The following NXPE2 variants were observed in gnomAD, a reference collection of about 807,000 sequenced individuals.
The protein encoded by NXPE2 is neurexophilin and PC-esterase domain family member 2.
In NXPE2, 34 loss-of-function variants were observed where a neutral mutation model predicts 34.4. That is an observed-to-expected ratio of 0.99 (90% CI 0.75 to 1.31). The LOEUF (loss-of-function observed/expected upper bound fraction) is 1.31, where lower values mean the gene tolerates loss of function less well. Among genes scored for constraint, NXPE2 ranks in the 40% most tolerant of loss-of-function variants. The probability of loss-of-function intolerance (pLI) is 0.00; values close to 1 mark genes in which losing one functional copy is unlikely to be tolerated. For synonymous variants in NXPE2, 235 were observed against 231.3 expected, an observed-to-expected ratio of 1.02 and a Z score of -0.15; for missense variants, 649 against 672.5, an observed-to-expected ratio of 0.97 and a Z score of 0.39.
the NXPE2 span, among the ~76,000 whole-genome samples, chr11:114,493,160 C>T: frequency 7.9e-5 from 12 of 152,102 alleles, no homozygotes; most frequent in Admixed American, 1.3e-4. Context: ...TTTCCATTAG[C>T]ATGAAATGTC....
the NXPE2 span, among the ~76,000 whole-genome samples, chr11:114,769,192 C>A: frequency 6.6e-6 from 1 of 151,106 alleles, no homozygotes; most frequent in East Asian, 1.9e-4. Context: ...ATGTGACCAA[C>A]AAACATATGA....
At chr11:114,797,436 T>C in the NXPE2 span, among the ~76,000 whole-genome samples, 354 of 152,266 alleles carry the variant, frequency 2.3e-3, 7 homozygotes, top group Admixed American at 0.019. Flanking sequence ...CTCAGACTTC[T>C]CAAGGAGATG....
At chr11:114,597,051 G>A in the NXPE2 span, among the ~76,000 whole-genome samples, 2 of 152,264 alleles carry the variant, frequency 1.3e-5, no homozygotes, top group Non-Finnish European at 1.5e-5. Context: ...TGAAAACTAG[G>A]AAGTTGGAAA....
chr11:114,756,596 T>G, the NXPE2 span, among the ~76,000 whole-genome samples: 1 of 152,162 alleles, frequency 6.6e-6, no homozygotes, highest in Admixed American at 6.5e-5. Flanking sequence ...ATATAATTGA[T>G]GTCACTATAA....
At chr11:114,690,594 T>G (rs184910194) in intron 2 of NXPE2, among the ~76,000 whole-genome samples, 1 of 152,150 alleles carries the variant, frequency 6.6e-6, no homozygotes, top group South Asian at 2.1e-4. Context: ...TTGCCTTGTA[T>G]AGTATCTCAT....
At chr11:114,630,883 T>C in the NXPE2 span, among the ~76,000 whole-genome samples, 1,710 of 151,400 alleles carry the variant, frequency 0.011, 31 homozygotes, top group African/African-American at 0.037. Flanking sequence ...AGACACTTCT[T>C]AAAAGAAGAC....
chr11:114,789,430 T>A, the NXPE2 span, among the ~76,000 whole-genome samples: 1 of 152,200 alleles, frequency 6.6e-6, no homozygotes, highest in Non-Finnish European at 1.5e-5. Context: ...TTCCTATGCT[T>A]CAACCCACTC....
the NXPE2 span, among the ~76,000 whole-genome samples, chr11:114,629,649 G>T: frequency 6.6e-6 from 1 of 152,002 alleles, no homozygotes; most frequent in Non-Finnish European, 1.5e-5. Context: ...CTATTCATCA[G>T]AGTGTTGGAA....
At chr11:114,630,831 AAAAC>A in the NXPE2 span, among the ~76,000 whole-genome samples, 20 of 152,036 alleles carry the variant, frequency 1.3e-4, no homozygotes, top group East Asian at 3.5e-3. Context: ...TTACAAGAAA[AAAAC>A]AAACAACCCC....
chr11:114,677,008 A>G (rs1190315493), upstream of NXPE2, among the ~76,000 whole-genome samples: 2 of 152,056 alleles, frequency 1.3e-5, no homozygotes, highest in African/African-American at 4.8e-5. Flanking sequence ...AAATGGGCCA[A>G]TCACAGAACA....
At chr11:114,698,904 C>A in intron 3 of NXPE2, 126 bp downstream of exon 3, 1 of 920,912 alleles carries the variant, frequency 1.1e-6, no homozygotes. Context: ...ATTAGGTCCT[C>A]AGAGTCAGTT....
the NXPE2 span, among the ~76,000 whole-genome samples, chr11:114,609,323 C>T: frequency 7.9e-5 from 12 of 151,666 alleles, no homozygotes; most frequent in Admixed American, 1.3e-4. Context: ...TGGGTAACCA[C>T]GGTTACCCTG....
the NXPE2 span, among the ~76,000 whole-genome samples, chr11:114,782,982 G>A: frequency 6.6e-6 from 1 of 152,176 alleles, no homozygotes; most frequent in Non-Finnish European, 1.5e-5. Flanking sequence ...TTATTTTATG[G>A]TTTGCTTGTT....
At chr11:114,707,104 T>G (rs763142524), downstream of NXPE2, among the ~76,000 whole-genome samples, 6 of 152,218 alleles carry the variant, frequency 3.9e-5, no homozygotes, top group Non-Finnish European at 8.8e-5. Context: ...TTTTATTTTA[T>G]TTTTGAGATA....
chr11:114,606,010 T>G, the NXPE2 span, among the ~76,000 whole-genome samples: 8 of 151,902 alleles, frequency 5.3e-5, no homozygotes, highest in Non-Finnish European at 2.9e-5. Flanking sequence ...TATTGCCTCA[T>G]GGGTAACCAC....
the NXPE2 span, among the ~76,000 whole-genome samples, chr11:114,732,192 G>A: frequency 6.6e-6 from 1 of 151,932 alleles, no homozygotes; most frequent in Non-Finnish European, 1.5e-5. Context: ...TCTAATATAG[G>A]ACAATTCCCA....
chr11:114,571,377 C>G, the NXPE2 span: 5 of 1,613,938 alleles, frequency 3.1e-6, no homozygotes, highest in Admixed American at 1.7e-5. Flanking sequence ...CAAGGGATAA[C>G]AATATTTTTG....
At chr11:114,536,344 T>C in the NXPE2 span, among the ~76,000 whole-genome samples, 1 of 151,858 alleles carries the variant, frequency 6.6e-6, no homozygotes, top group African/African-American at 2.4e-5. Context: ...AGATGAAAAA[T>C]TGACACCCTA....
intron 1 of NXPE2, 108 bp downstream of exon 1, chr11:114,678,709 T>C (rs1950889523): frequency 2.6e-6 from 2 of 781,894 alleles, no homozygotes; most frequent in Non-Finnish European, 2.1e-6. Context: ...CTTTAGAGGA[T>C]AGTAAAATCG....
Sources: gnomAD v4.1 joint callset for allele counts (sites outside exome capture counted in the v4.1 genomes callset) on GRCh38, gnomAD v4.1.1 for gene constraint, MANE v1.5 for transcripts, NCBI Gene and HGNC (gene_info 2026-07-23, HGNC 2026-07-21) for gene names.